ARID2: variants seen among roughly 807,000 people sequenced by gnomAD.
ARID2 encodes the protein AT-rich interactive domain-containing protein 2.
Under a neutral mutation model 184.6 loss-of-function variants are expected in ARID2, and 32 were observed. That is an observed-to-expected ratio of 0.17 (90% CI 0.13 to 0.23). ARID2 has a LOEUF of 0.23. ARID2 is among the 10% of genes least tolerant of loss of function. ARID2 has a pLI of 1.00. For missense variants in ARID2, 1,696 were observed against 2,197.6 expected (o/e 0.77, Z 4.56); for synonymous variants, 836 against 772.6 (o/e 1.08, Z -1.36).
intron 2 of ARID2, 84 bp downstream of exon 2, chr12:45,730,221 C>CT: frequency 8.6e-6 from 12 of 1,387,430 alleles, no homozygotes; most frequent in Non-Finnish European, 1.2e-5. Flanking sequence ...GCGCTTGGGG[C>CT]TGGGGGGGTG....
At chr12:45,822,879 G>C (rs778105060) in intron 6 of ARID2, among the ~76,000 whole-genome samples, 2 of 152,066 alleles carry the variant, frequency 1.3e-5, no homozygotes, top group Non-Finnish European at 2.9e-5. Flanking sequence ...TATAGTTCGG[G>C]ACTTTACTCA....
intron 16 of ARID2, among the ~76,000 whole-genome samples, chr12:45,877,938 TG>T (rs1383554912): frequency 6.6e-6 from 1 of 152,208 alleles, no homozygotes; most frequent in African/African-American, 2.4e-5. Flanking sequence ...CCTCAGTTTT[TG>T]TTTGTCTGAG....
At chr12:45,871,858 A>T (rs1207539431) in intron 16 of ARID2, among the ~76,000 whole-genome samples, 1 of 152,054 alleles carries the variant, frequency 6.6e-6, no homozygotes, top group Admixed American at 6.5e-5. Context: ...TCTTTCAGGG[A>T]ATTGGCCGAT....
At chr12:45,778,318 T>C (rs1019341670) in intron 3 of ARID2, among the ~76,000 whole-genome samples, 8 of 152,180 alleles carry the variant, frequency 5.3e-5, no homozygotes, top group Non-Finnish European at 8.8e-5. Context: ...TAACCTCTTA[T>C]GGTGTTAATT....
intron 3 of ARID2, among the ~76,000 whole-genome samples, chr12:45,768,873 C>T (rs143305716): frequency 6.6e-6 from 1 of 152,214 alleles, no homozygotes; most frequent in East Asian, 1.9e-4. Context: ...TTGGTGATGC[C>T]TAACAACTGG....
At chr12:45,804,143 G>A (rs960657312) in intron 3 of ARID2, among the ~76,000 whole-genome samples, 3 of 152,190 alleles carry the variant, frequency 2.0e-5, no homozygotes, top group Non-Finnish European at 2.9e-5. Flanking sequence ...AAGTTGGCTT[G>A]TGAAGTCCTG....
chr12:45,764,483 G>A (rs1453989665), intron 3 of ARID2, among the ~76,000 whole-genome samples: 1 of 152,184 alleles, frequency 6.6e-6, no homozygotes, highest in Non-Finnish European at 1.5e-5. Context: ...GAACAGTTGT[G>A]TTACCCCTCA....
At chr12:45,900,261 A>C (rs1322038536) in intron 20 of ARID2, among the ~76,000 whole-genome samples, 1 of 152,056 alleles carries the variant, frequency 6.6e-6, no homozygotes, top group African/African-American at 2.4e-5. Context: ...GGGTTTCACC[A>C]TGTGGGCCAG....
intron 16 of ARID2, among the ~76,000 whole-genome samples, chr12:45,887,971 G>A (rs758407167): frequency 1.3e-5 from 2 of 152,090 alleles, no homozygotes; most frequent in Non-Finnish European, 2.9e-5. Flanking sequence ...CTAGGCGGGC[G>A]GATCACGAGG....
intron 4 of ARID2, among the ~76,000 whole-genome samples, chr12:45,815,766 A>G (rs575973288): frequency 5.9e-5 from 9 of 152,288 alleles, no homozygotes; most frequent in African/African-American, 1.4e-4. Context: ...GGCTCAAGCA[A>G]TCCTCCCAGC....
rs773848296 is a variant in ARID2, at chr12:45,837,718, AC to A, written c.1330+13del. 2.5e-6 allele frequency: 4 copies of A among 1,605,020 alleles called. No homozygotes were observed. In the African/African-American group the frequency reaches 4.0e-5, roughly 16 times the overall value. On this transcript the variant is annotated intron_variant, in intron 10 of 20. Transcript: ENST00000334344. The stretch of plus-strand genomic sequence containing the variant: ...TAGAAAAGAGCATAGGTAAGACTGG[AC>A]CAAAAAACACTTATTTTCTTTATTG...
Position 45,834,458 on chromosome 12 carries a change from T to C in ARID2, c.706-2131T>C, listed in dbSNP as rs550488288. 7.2e-5 allele frequency among the ~76,000 whole-genome samples: 11 copies of C among 152,332 alleles called. No homozygotes were observed. The East Asian group carries it at 2.1e-3, about 29-fold the overall frequency. ...AAAAATTCTATGTTGGCAGGCTGGG[T>C]ACAGTGGCTCACGCCTGTAATCCCA... On this transcript the variant is annotated intron_variant, in intron 6 of 20. Transcript: ENST00000334344.
At chr12:45,842,118 G>A (rs559278540) in intron 11 of ARID2, 1 of 151,584 alleles carries the variant, frequency 6.6e-6, no homozygotes, top group South Asian at 2.1e-4. Context: ...AATTAGCTGA[G>A]CATGGTGATG....
At chr12:45,875,106 A>G (rs908247231) in intron 16 of ARID2, among the ~76,000 whole-genome samples, 6 of 152,208 alleles carry the variant, frequency 3.9e-5, no homozygotes, top group Non-Finnish European at 8.8e-5. Context: ...TCAGCAACAG[A>G]GTGAGACCCT....
At chr12:45,770,840 A>G (rs910125585) in intron 3 of ARID2, among the ~76,000 whole-genome samples, 2 of 152,168 alleles carry the variant, frequency 1.3e-5, no homozygotes, top group African/African-American at 4.8e-5. Context: ...AGAAAAGTGC[A>G]CCAAATGGGA....
rs1317781343 is a variant in ARID2, at chr12:45,837,608, G to A, written c.1231G>A (p.Asp411Asn). 1 of 1,614,022 alleles carries A rather than the reference G, an allele frequency of 6.2e-7. No individual in the cohort carries two copies. Among genetic ancestry groups the A allele is most frequent in the Non-Finnish European group, 8.5e-7 (1 of 1,179,964 alleles). Residue 411 changes from aspartate to asparagine, a missense_variant, in exon 10 of 21, where the codon GAT becomes AAT. Asp to Asn is a conservative substitution (Grantham distance 23). This residue lies in a region of ARID2 where 86 missense variants were observed against 200.8 expected (regional missense o/e 0.43). Transcript: ENST00000334344. ...GATCATTTGTCATCTCACTTTACCT[G>A]ATGTGCTGCTTGTAATCTCAACACT... ...REIICHLTLP[D>N]VLLVISTLEV...
At chr12:45,833,016 G>A (rs1167673291) in intron 6 of ARID2, among the ~76,000 whole-genome samples, 2 of 152,126 alleles carry the variant, frequency 1.3e-5, no homozygotes, top group Non-Finnish European at 2.9e-5. Context: ...TCATGGGGGT[G>A]TTCCACAGGT....
chr12:45,745,746 C>T (rs188431689), intron 3 of ARID2, among the ~76,000 whole-genome samples: 129 of 152,144 alleles, frequency 8.5e-4, no homozygotes, highest in African/African-American at 3.0e-3. Context: ...GACAGGGTTT[C>T]GTCATTTGGC....
Position 45,778,251 on chromosome 12 carries a change from C to G in ARID2, c.285-33167C>G, listed in dbSNP as rs73095497. 2.3e-3 allele frequency among the ~76,000 whole-genome samples: 355 copies of G among 151,950 alleles called. 3 individuals carry two copies. The Middle Eastern group carries it at 0.024, about 10-fold the overall frequency. ...AGCCCAGTTTATATGTGTTCCCCCC[C>G]CAACCCGCAAGAAAATGCCTTATTA... On this transcript the variant is annotated intron_variant, in intron 3 of 20. Transcript: ENST00000334344.
Sources: allele counts gnomAD v4.1 joint callset (sites outside exome capture counted in the v4.1 genomes callset), GRCh38; gene constraint gnomAD v4.1.1; regional missense constraint gnomAD v4.1.1; transcripts MANE v1.5; gene names NCBI Gene and HGNC (gene_info 2026-07-23, HGNC 2026-07-21).